The following NUAK1 variants were observed in gnomAD, a reference collection of about 807,000 sequenced individuals.
NUAK1 encodes the protein NUAK family SNF1-like kinase 1.
A neutral mutation model predicts 56.9 loss-of-function variants in NUAK1; 26 were observed. The observed-to-expected ratio is 0.46, with a 90% confidence interval of 0.33 to 0.63. The LOEUF is 0.63. Among genes scored for constraint, NUAK1 ranks in the 30% least tolerant of loss-of-function variants. The probability of loss-of-function intolerance (pLI) is 0.02; values close to 1 mark genes in which losing one functional copy is unlikely to be tolerated. For synonymous variants in NUAK1, 337 were observed against 336.0 expected (o/e 1.00, Z -0.03); for missense variants, 727 against 876.1 (o/e 0.83, Z 2.15).
rs564841508 is a variant in NUAK1, at chr12:106,131,147, A to T, written c.240+7267T>A. 8.6e-5 allele frequency among the ~76,000 whole-genome samples: 13 copies of T among 150,364 alleles called. No individual in the cohort carries two copies. The East Asian group carries it at 2.2e-3, about 25-fold the overall frequency. ...AGATAGAGGCTTCCACCCCTTTCCC[A>T]CTCTCCACCCTGAGCCCCCCCCTTT... On this transcript the variant is annotated intron_variant, in intron 1 of 6. Coordinates refer to ENST00000261402, the MANE Select transcript of NUAK1 (RefSeq NM_014840.3).
At chr12:106,133,381 T>C (rs1436634143) in intron 1 of NUAK1, among the ~76,000 whole-genome samples, 1 of 152,186 alleles carries the variant, frequency 6.6e-6, no homozygotes, top group East Asian at 1.9e-4. Flanking sequence ...GATCACCCCA[T>C]GGCTGCTCTT....
chr12:106,135,151 T>C (rs891617052), intron 1 of NUAK1, among the ~76,000 whole-genome samples: 1 of 152,218 alleles, frequency 6.6e-6, no homozygotes, highest in East Asian at 1.9e-4. Flanking sequence ...GAAGCTGAGG[T>C]TTCAAAAAGT....
chr12:106,117,753 C>T (rs1431949026), intron 1 of NUAK1, among the ~76,000 whole-genome samples: 1 of 152,226 alleles, frequency 6.6e-6, no homozygotes, highest in Non-Finnish European at 1.5e-5. Flanking sequence ...TTCACACCTA[C>T]AAACTATTTA....
intron 1 of NUAK1, among the ~76,000 whole-genome samples, chr12:106,127,623 G>A (rs911527529): frequency 6.6e-6 from 1 of 152,076 alleles, no homozygotes; most frequent in Non-Finnish European, 1.5e-5. Flanking sequence ...TAGGCTGACA[G>A]TCTACACAGG....
Position 106,067,350 on chromosome 12 carries a change from A to G in NUAK1, c.1438T>C (p.Ser480Pro). ...KTQQRESGYYSSPERSESSEL... is the reference protein window; with the variant it reads ...KTQQRESGYYPSPERSESSEL... ...GAAGACTCACTGCGCTCTGGGGAAGAGTAGTAACCTGATTCTCTCTGCTGG... is the reference window on the plus strand; with the variant it reads ...GAAGACTCACTGCGCTCTGGGGAAGGGTAGTAACCTGATTCTCTCTGCTGG... The change falls in exon 7 of 7, where the codon TCT (serine) becomes CCT (proline). Residue 480 changes from serine to proline, a missense_variant. Ser to Pro is a moderately conservative substitution (Grantham distance 74, BLOSUM62 -1). Transcript: ENST00000261402. This position sits in a 1 kb window ranked among gnomAD's most constrained non-coding sequence, Gnocchi z 6.0. 6.2e-7 allele frequency: 1 copy of G among 1,614,190 alleles called. No homozygotes were observed. Among genetic ancestry groups the G allele is most frequent in the Non-Finnish European group, 8.5e-7 (1 of 1,180,036 alleles).
chr12:106,122,167 C>G (rs899453582), intron 1 of NUAK1, among the ~76,000 whole-genome samples: 1 of 152,158 alleles, frequency 6.6e-6, no homozygotes, highest in Non-Finnish European at 1.5e-5. Flanking sequence ...TGTAGACCAA[C>G]AGTGCTCATA....
chr12:106,134,953 T>C (rs1311022712), intron 1 of NUAK1, among the ~76,000 whole-genome samples: 1 of 152,250 alleles, frequency 6.6e-6, no homozygotes, highest in Non-Finnish European at 1.5e-5. Context: ...CTCTGCATGA[T>C]ACAATGCATT....
At position 106,138,564 on chromosome 12, in the gene NUAK1, C is replaced by T. The variant is rs3741887; in HGVS notation, c.90G>A (p.Ala30=). The stretch of plus-strand genomic sequence containing the variant: ...GCTTCCTGGGCTCCAGGGCTGCAGT[C>T]GCCCCCGCCACCGCCTCTCGGGGAG... ...PGSPREAVAG[A]TAALEPRKPH... is the part of the protein sequence containing the mutation. The change falls in exon 1 of 7, where the codon GCG becomes GCA. Residue 30 remains alanine, a synonymous_variant. Coordinates refer to ENST00000261402, the MANE Select transcript of NUAK1 (RefSeq NM_014840.3). The surrounding 1 kb of genome is among the most constrained non-coding windows in gnomAD (Gnocchi z 5.0). 53,642 of 1,604,498 alleles carry T rather than the reference C, an allele frequency of 0.033. 1,024 individuals carry two copies. Among genetic ancestry groups the T allele is most frequent in the African/African-American group, 0.053 (3,955 of 74,938 alleles).
At chr12:106,127,104 T>C (rs2033031519) in intron 1 of NUAK1, among the ~76,000 whole-genome samples, 1 of 152,236 alleles carries the variant, frequency 6.6e-6, no homozygotes, top group South Asian at 2.1e-4. Flanking sequence ...AGTTAAGTTC[T>C]ATTACCAACC....
At chr12:106,104,972 T>C (rs1592856771) in intron 2 of NUAK1, among the ~76,000 whole-genome samples, 1 of 150,546 alleles carries the variant, frequency 6.6e-6, no homozygotes. Context: ...TTTTTTTTTT[T>C]AAACAGAGTC....
At chr12:106,073,474 G>C (rs1327886257) in intron 4 of NUAK1, among the ~76,000 whole-genome samples, 1 of 152,114 alleles carries the variant, frequency 6.6e-6, no homozygotes, top group Non-Finnish European at 1.5e-5. Flanking sequence ...TAATGACCTT[G>C]AGCCTCAGTT....
chr12:106,103,597 A>G (rs934948783), intron 2 of NUAK1, among the ~76,000 whole-genome samples: 4 of 152,328 alleles, frequency 2.6e-5, no homozygotes, highest in Admixed American at 2.6e-4. Flanking sequence ...ATCTCCATGA[A>G]AACTTCCAAT....
intron 3 of NUAK1, among the ~76,000 whole-genome samples, chr12:106,085,267 T>C (rs1290090778): frequency 2.0e-5 from 3 of 152,234 alleles, no homozygotes; most frequent in Non-Finnish European, 4.4e-5. Flanking sequence ...ATCACCTCTG[T>C]GGTGATTTAC....
chr12:106,098,186 G>T (rs1689058996), intron 2 of NUAK1, among the ~76,000 whole-genome samples: 1 of 152,212 alleles, frequency 6.6e-6, no homozygotes, highest in African/African-American at 2.4e-5. Context: ...ATCTCAGGGA[G>T]CACAGGTAGC....
Position 106,106,469 on chromosome 12 carries a change from G to A in NUAK1, c.297C>T (p.His99=). ...ACATGATCTCAATCTCTCGTCTGAT[G>A]TGAACCATGTCTTGTTCATCCTTAA... ...DKIKDEQDMV[H]IRREIEIMSS... The change falls in exon 2 of 7, where the codon CAC becomes CAT. Residue 99 remains histidine (H), a synonymous_variant. Transcript: ENST00000261402. 6.2e-7 allele frequency: 1 copy of A among 1,611,764 alleles called. No homozygotes were observed. Among genetic ancestry groups the A allele is most frequent in the Non-Finnish European group, 8.5e-7 (1 of 1,178,288 alleles).
At position 106,124,599 on chromosome 12, in the gene NUAK1, T is replaced by A. The variant is rs543833209; in HGVS notation, c.240+13815A>T. ...ACATGAAGATTCACAAAATGCAGTTTCTAGAAGCGGCTGGAATGTAAGCTG... is the reference window on the plus strand; with the variant it reads ...ACATGAAGATTCACAAAATGCAGTTACTAGAAGCGGCTGGAATGTAAGCTG... On this transcript the variant is annotated intron_variant, in intron 1 of 6. Transcript: ENST00000261402. Among the ~76,000 whole-genome samples the A allele has an allele frequency of 1.1e-4, 17 of 152,306 alleles. No homozygotes were observed. The South Asian group carries it at 3.3e-3, about 30-fold the overall frequency.
chr12:106,098,303 T>C (rs2032714193), intron 2 of NUAK1, among the ~76,000 whole-genome samples: 1 of 152,202 alleles, frequency 6.6e-6, no homozygotes, highest in Admixed American at 6.5e-5. Context: ...AGAGAATATT[T>C]GAGAATACAG....
At chr12:106,122,475 G>C (rs556438670) in intron 1 of NUAK1, among the ~76,000 whole-genome samples, 12 of 152,312 alleles carry the variant, frequency 7.9e-5, no homozygotes, top group African/African-American at 2.9e-4. Context: ...GTCAGTGACT[G>C]ACATGCTTAG....
chr12:106,118,887 C>T (rs926241084), intron 1 of NUAK1, among the ~76,000 whole-genome samples: 1 of 152,178 alleles, frequency 6.6e-6, no homozygotes, highest in Non-Finnish European at 1.5e-5. Context: ...GCAGAAAAGA[C>T]GAACAAGTAA....
Sources: gnomAD v4.1 joint callset for allele counts (sites outside exome capture counted in the v4.1 genomes callset) on GRCh38, gnomAD v4.1.1 for gene constraint, Gnocchi (gnomAD v3.1) non-coding constraint, MANE v1.5 for transcripts, NCBI Gene and HGNC (gene_info 2026-07-23, HGNC 2026-07-21) for gene names.